PAK3: variants seen among roughly 807,000 people sequenced by gnomAD.
PAK3 encodes serine/threonine-protein kinase PAK 3.
PAK3 carries 4 observed loss-of-function variants against 41.0 expected under a neutral mutation model. That is an observed-to-expected ratio of 0.10 (90% CI 0.05 to 0.22). The LOEUF (loss-of-function observed/expected upper bound fraction) is 0.22. PAK3 is among the 10% of genes least tolerant of loss of function. The pLI is 1.00. For synonymous variants in PAK3, 146 were observed against 139.6 expected (o/e 1.05, Z -0.32); for missense variants, 205 against 409.9 (o/e 0.50, Z 4.32).
At chrX:111,165,538 T>C (rs956208719) in intron 10 of PAK3, among the ~76,000 whole-genome samples, 2 of 112,360 alleles carry the variant, frequency 1.8e-5, no homozygotes, top group South Asian at 3.7e-4. Context: ...TTCCATTACC[T>C]ACCTACTTTG....
At chrX:111,068,296 T>TAAAA (rs2092715961) in intron 1 of PAK3, among the ~76,000 whole-genome samples, 1 of 111,506 alleles carries the variant, frequency 9.0e-6, no homozygotes, top group Non-Finnish European at 1.9e-5. Flanking sequence ...CATAGGCTTG[T>TAAAA]TTTATTTTTA....
chrX:111,009,941 G>A (rs775738059), intron 1 of PAK3, among the ~76,000 whole-genome samples: 1 of 111,528 alleles, frequency 9.0e-6, no homozygotes, highest in South Asian at 3.8e-4. Flanking sequence ...TGCTTTACAC[G>A]GCTGAGTAAT....
chrX:111,159,991 G>C (rs1179119066), intron 8 of PAK3, among the ~76,000 whole-genome samples: 1 of 111,890 alleles, frequency 8.9e-6, no homozygotes, highest in African/African-American at 3.2e-5. Flanking sequence ...TTGTAGAAAA[G>C]CCACATTGAA....
chrX:111,185,647 A>G (rs1157040189), intron 11 of PAK3, among the ~76,000 whole-genome samples: 1 of 111,360 alleles, frequency 9.0e-6, no homozygotes, highest in East Asian at 2.8e-4. Flanking sequence ...CATTTATTAA[A>G]TAGGGAATCC....
At chrX:110,984,932 C>A (rs1202619530) in intron 1 of PAK3, among the ~76,000 whole-genome samples, 1 of 110,261 alleles carries the variant, frequency 9.1e-6, no homozygotes, top group Non-Finnish European at 1.9e-5. Context: ...AGTTTGAGAC[C>A]AGCCTGGGCC....
chrX:111,106,188 C>A (rs761282744), intron 4 of PAK3, among the ~76,000 whole-genome samples: 1 of 111,061 alleles, frequency 9.0e-6, no homozygotes, highest in African/African-American at 3.3e-5. Context: ...TTATACATTC[C>A]CACTCTTCTA....
chrX:110,999,356 T>A lies in PAK3; in HGVS notation c.-28+54728T>A, dbSNP rs1304539932. 3.6e-5 allele frequency among the ~76,000 whole-genome samples: 4 copies of A among 111,661 alleles called. No homozygotes were observed. The East Asian group carries it at 1.1e-3, about 32-fold the overall frequency. ...TGCTGCATTGCACAATCCCCACAATTTAAGGTGATGGGTTGGCCCAGTGGG... is the reference window on the plus strand; with the variant it reads ...TGCTGCATTGCACAATCCCCACAATATAAGGTGATGGGTTGGCCCAGTGGG... On this transcript the variant is annotated intron_variant, in intron 1 of 14. Coordinates refer to the PAK3 transcript ENST00000425146.
At chrX:111,183,595 C>A (rs1162561095) in intron 11 of PAK3, among the ~76,000 whole-genome samples, 1 of 111,361 alleles carries the variant, frequency 9.0e-6, no homozygotes, top group Non-Finnish European at 1.9e-5. Context: ...CATTTCCATG[C>A]TGAAATCAAA....
At chrX:111,086,197 T>C (rs1258089846) in intron 1 of PAK3, among the ~76,000 whole-genome samples, 1 of 110,933 alleles carries the variant, frequency 9.0e-6, no homozygotes, top group African/African-American at 3.3e-5. Flanking sequence ...GTTTGTGGGA[T>C]TCTAGATAGT....
At chrX:111,024,368 C>A (rs1342572263) in intron 1 of PAK3, among the ~76,000 whole-genome samples, 1 of 111,426 alleles carries the variant, frequency 9.0e-6, no homozygotes, top group Non-Finnish European at 1.9e-5. Context: ...ATTGTCTTGG[C>A]TATGTGGGCT....
At chrX:111,192,255 C>A in intron 12 of PAK3, 80 bp downstream of exon 12, 1 of 673,867 alleles carries the variant, frequency 1.5e-6, no homozygotes, top group Non-Finnish European at 2.4e-6. Flanking sequence ...GCAACTTCGC[C>A]TAAAAAAAAA....
chrX:111,022,998 C>A (rs759534672), intron 1 of PAK3, among the ~76,000 whole-genome samples: 1 of 110,528 alleles, frequency 9.0e-6, no homozygotes, highest in African/African-American at 3.3e-5. Flanking sequence ...CCCATCAACT[C>A]AGCATTTACA....
At chrX:111,068,586 G>A (rs1348544180) in intron 1 of PAK3, among the ~76,000 whole-genome samples, 1 of 113,010 alleles carries the variant, frequency 8.8e-6, no homozygotes, top group South Asian at 3.6e-4. Context: ...GCAGGCGTGA[G>A]CCACTGTGCC....
At chrX:111,188,211 A>C (rs1393050088) in intron 11 of PAK3, among the ~76,000 whole-genome samples, 5 of 109,537 alleles carry the variant, frequency 4.6e-5, no homozygotes, top group East Asian at 2.9e-4. Flanking sequence ...ACAAAAAAAA[A>C]CAAAACCCAC....
chrX:111,012,666 C>T (rs1169705621), intron 1 of PAK3, among the ~76,000 whole-genome samples: 1 of 112,634 alleles, frequency 8.9e-6, no homozygotes, highest in Non-Finnish European at 1.9e-5. Flanking sequence ...AAAGGAATTA[C>T]TTTTGCAAAA....
intron 16 of PAK3, among the ~76,000 whole-genome samples, chrX:111,204,830 T>C (rs1387023785): frequency 9.1e-6 from 1 of 109,631 alleles, no homozygotes; most frequent in African/African-American, 3.3e-5. Context: ...GTAGCTTTTT[T>C]CTTTCTTTTC....
intron 1 of PAK3, among the ~76,000 whole-genome samples, chrX:111,019,367 T>G (rs982142379): frequency 9.1e-6 from 1 of 109,809 alleles, no homozygotes; most frequent in African/African-American, 3.3e-5. Flanking sequence ...TCCAGAATTG[T>G]AAACTCAACA....
intron 16 of PAK3, among the ~76,000 whole-genome samples, chrX:111,199,392 A>G (rs1171747013): frequency 9.0e-6 from 1 of 111,573 alleles, no homozygotes; most frequent in African/African-American, 3.3e-5. Context: ...TTTTAATGAC[A>G]AGGGTCTTTA....
At chrX:110,989,496 G>C (rs111862173) in intron 1 of PAK3, among the ~76,000 whole-genome samples, 5,857 of 111,275 alleles carry the variant, frequency 0.053, 374 homozygotes, top group African/African-American at 0.18. Flanking sequence ...GTAAAATCTT[G>C]TAATTTTTCA....
Sources: allele counts gnomAD v4.1 joint callset (sites outside exome capture counted in the v4.1 genomes callset), GRCh38; gene constraint gnomAD v4.1.1; transcripts MANE v1.5; gene names NCBI Gene and HGNC (gene_info 2026-07-23, HGNC 2026-07-21).